Variants in EREG observed in about 807,000 individuals in gnomAD.
The protein encoded by EREG is epiregulin.
EREG carries 23 observed loss-of-function variants against 22.4 expected under a neutral mutation model. That is an observed-to-expected ratio of 1.03 (90% CI 0.74 to 1.46). The LOEUF (loss-of-function observed/expected upper bound fraction) is 1.46, where lower values mean the gene tolerates loss of function less well. EREG is among the 40% of genes most tolerant of loss of function. The pLI is 0.00. For missense variants in EREG, 226 were observed against 205.9 expected, an observed-to-expected ratio of 1.10 and a Z score of -0.60; for synonymous variants, 100 against 75.4, an observed-to-expected ratio of 1.33 and a Z score of -1.69.
At chr4:74,374,772 G>T (rs901146609) in intron 1 of EREG, among the ~76,000 whole-genome samples, 15 of 142,122 alleles carry the variant, frequency 1.1e-4, no homozygotes, top group African/African-American at 3.9e-4. Flanking sequence ...GGGAAGAGGC[G>T]ATTTGTATCC....
At chr4:74,381,369 T>C in intron 3 of EREG, 1 of 407,450 alleles carries the variant, frequency 2.5e-6, no homozygotes. Context: ...CCACTCTCTA[T>C]GACCATGTGT....
intron 1 of EREG, among the ~76,000 whole-genome samples, chr4:74,378,773 AAATTTTATCTTTTCACTG>A (rs144089923): frequency 0.042 from 6,345 of 152,220 alleles, 297 homozygotes; most frequent in Admixed American, 0.14. Context: ...CTATGTTCCA[AAATTTTATCTTTTCACTG>A]AATACACATG....
chr4:74,380,795 T>G (rs888246306), intron 2 of EREG, among the ~76,000 whole-genome samples: 12 of 152,206 alleles, frequency 7.9e-5, no homozygotes, highest in Non-Finnish European at 1.6e-4. Context: ...TTATCTTCTT[T>G]TGTTTAGTCT....
chr4:74,374,357 G>A (rs1578818668), intron 1 of EREG, among the ~76,000 whole-genome samples: 1 of 152,046 alleles, frequency 6.6e-6, no homozygotes, highest in Non-Finnish European at 1.5e-5. Flanking sequence ...CCTTCTGGAT[G>A]AGCCCTCAGT....
chr4:74,382,873 G>A (rs922888454), intron 4 of EREG, 79 bp downstream of exon 4: 2 of 1,042,986 alleles, frequency 1.9e-6, no homozygotes, highest in South Asian at 1.6e-5. Context: ...GTAAAAATAT[G>A]GATAAAGTAT....
At position 74,379,478 on chromosome 4, in the gene EREG, C is replaced by T; in HGVS notation, c.98C>T (p.Thr33Ile). Residue 33 changes from threonine to isoleucine, a missense_variant, in exon 2 of 5, where the codon ACA becomes ATA. Transcript: ENST00000244869. Reference sequence around the variant, plus strand: ...CATCTTCTACAGGCAGTCCTCAGTACAACTGTGATTCCATCATGTATCCCA... The same window carrying T: ...CATCTTCTACAGGCAGTCCTCAGTATAACTGTGATTCCATCATGTATCCCA... ...GFHLLQAVLS[T>I]TVIPSCIPGE... 6.2e-7 allele frequency: 1 copy of T among 1,611,702 alleles called. No homozygotes were observed. The highest frequency in any genetic ancestry group is 1.1e-5 in the South Asian group (1 of 91,002).
intron 1 of EREG, among the ~76,000 whole-genome samples, chr4:74,376,162 G>C (rs1038721252): frequency 6.6e-6 from 1 of 152,142 alleles, no homozygotes; most frequent in African/African-American, 2.4e-5. Flanking sequence ...AAGACTAACA[G>C]CAACACTCCA....
chr4:74,370,676 AGAGAGGGGTTACTGAGCTAT>A (rs1752275158), intron 1 of EREG, among the ~76,000 whole-genome samples: 1 of 152,142 alleles, frequency 6.6e-6, no homozygotes, highest in Non-Finnish European at 1.5e-5. Flanking sequence ...AGAGAGGAAG[AGAGAGGGGTTACTGAGCTAT>A]GATATGACTG....
rs1414846182 is a variant in EREG, at chr4:74,386,029, G to A, written c.*1221G>A. 2.7e-6 allele frequency: 1 copy of A among 368,260 alleles called. No homozygotes were observed. Among genetic ancestry groups the A allele is most frequent in the Admixed American group, 4.6e-5 (1 of 21,608 alleles). 22.8% of individuals were successfully genotyped at this position (368,260 alleles called of 1,614,324 possible). On this transcript the variant is annotated 3_prime_UTR_variant, in exon 5 of 5. Coordinates refer to ENST00000244869, the MANE Select transcript of EREG (RefSeq NM_001432.3). ...TGTGGAGGCTGAGATGAAAACTAGG[G>A]CTCATTTTCCTGACATTTGTTTATT...
chr4:74,366,338 G>A (rs893503726), intron 1 of EREG, among the ~76,000 whole-genome samples: 2 of 152,152 alleles, frequency 1.3e-5, no homozygotes, highest in Non-Finnish European at 2.9e-5. Flanking sequence ...AACTCTACCT[G>A]TGAAGGATGT....
In EREG at chr4:74,387,932, T is replaced by C. The variant is rs1164947333; in HGVS notation, c.*3124T>C. ...TTAACCTTAACCTTAAAATTGATAT[T>C]ATATTAAACATACATAATACAATGT... On this transcript the variant is annotated 3_prime_UTR_variant, in exon 5 of 5. Transcript: ENST00000244869. The C allele has an allele frequency of 6.6e-6, 1 of 152,220 alleles. No homozygotes were observed. Among genetic ancestry groups the C allele is most frequent in the Non-Finnish European group, 1.5e-5 (1 of 68,034 alleles). The allele number at this position is 152,220 out of a possible 1,614,324, so 9.4% of individuals were successfully genotyped here. A position where few individuals can be genotyped will look rare whatever the true frequency, so the allele number is the denominator to read the frequency against.
At chr4:74,381,267 C>T (rs941154320) in intron 3 of EREG, 130 bp downstream of exon 3, 1 of 738,892 alleles carries the variant, frequency 1.4e-6, no homozygotes, top group Non-Finnish European at 2.2e-6. Flanking sequence ...ACCTACCCCT[C>T]AAATAGTGTG....
At chr4:74,365,434 C>T in intron 1 of EREG, 59 bp downstream of exon 1, 2 of 1,501,076 alleles carry the variant, frequency 1.3e-6, no homozygotes, top group Non-Finnish European at 1.8e-6. Flanking sequence ...AAGGAAGGCT[C>T]CTGTGCATTT....
At chr4:74,384,159 T>A (rs1752529418) in intron 4 of EREG, among the ~76,000 whole-genome samples, 1 of 152,306 alleles carries the variant, frequency 6.6e-6, no homozygotes, top group East Asian at 1.9e-4. Context: ...GGGCACATTA[T>A]ATACAACCCA....
intron 1 of EREG, among the ~76,000 whole-genome samples, chr4:74,365,908 C>T (rs1228915119): frequency 6.6e-6 from 1 of 152,128 alleles, no homozygotes. Context: ...GAGCTCCAGA[C>T]ACAAGAGAAA....
At chr4:74,365,613 G>T (rs1237637986) in intron 1 of EREG, among the ~76,000 whole-genome samples, 1 of 151,632 alleles carries the variant, frequency 6.6e-6, no homozygotes, top group Non-Finnish European at 1.5e-5. Flanking sequence ...TATATGTTAT[G>T]CATGGATTGA....
At chr4:74,374,728 T>C (rs980637214) in intron 1 of EREG, among the ~76,000 whole-genome samples, 5 of 151,918 alleles carry the variant, frequency 3.3e-5, no homozygotes. Flanking sequence ...GTCCCCAATA[T>C]TGTGTAAGGG....
rs990612344 is a variant in EREG at position 74,388,236 on chromosome 4, T to C, written c.*3428T>C. 6.6e-6 allele frequency: 1 copy of C among 152,142 alleles called. No individual in the cohort carries two copies. Among genetic ancestry groups the C allele is most frequent in the Non-Finnish European group, 1.5e-5 (1 of 67,992 alleles). The allele number at this position is 152,142 out of a possible 1,614,324, so 9.4% of individuals were successfully genotyped here. ...GCTCCAATATCCATTCTGTAGACTT[T>C]TGAAAAAAAAGTTTTTAATTTGATG... On this transcript the variant is annotated 3_prime_UTR_variant, in exon 5 of 5. Coordinates refer to ENST00000244869, the MANE Select transcript of EREG (RefSeq NM_001432.3).
intron 1 of EREG, among the ~76,000 whole-genome samples, chr4:74,374,039 C>T (rs1263901637): frequency 6.6e-6 from 1 of 152,106 alleles, no homozygotes; most frequent in Admixed American, 6.6e-5. Context: ...AGAAAATGAA[C>T]AGTCTGAGTA....
Sources: gnomAD v4.1 joint callset for allele counts (sites outside exome capture counted in the v4.1 genomes callset) on GRCh38, gnomAD v4.1.1 for gene constraint, MANE v1.5 for transcripts, NCBI Gene and HGNC (gene_info 2026-07-23, HGNC 2026-07-21) for gene names.